Variants in ZNG1A observed in about 807,000 individuals in gnomAD.
ZNG1A encodes the protein zinc-regulated GTPase metalloprotein activator 1A.
At chr9:128,869 T>G in the ZNG1A span, among the ~76,000 whole-genome samples, 42 of 151,398 alleles carry the variant, frequency 2.8e-4, no homozygotes, top group African/African-American at 9.5e-4. Flanking sequence ...CTACGGGGTG[T>G]TCCCTTGATG....
chr9:166,092 T>C, the ZNG1A span: 1 of 139,874 alleles, frequency 7.1e-6, no homozygotes, highest in South Asian at 2.4e-4. Flanking sequence ...CTCTTTGCTT[T>C]GGGAAGGAGA....
the ZNG1A span, chr9:146,275 A>T: frequency 6.3e-6 from 7 of 1,117,318 alleles, no homozygotes; most frequent in Non-Finnish European, 7.8e-6. Flanking sequence ...GAAGTGGGCA[A>T]ATGGTGTAAG....
At chr9:154,412 T>C in the ZNG1A span, 1 of 484,458 alleles carries the variant, frequency 2.1e-6, no homozygotes, top group South Asian at 4.1e-5. Flanking sequence ...TGGGTAAAGT[T>C]AGGGAAGACT....
At chr9:177,609 G>C in the ZNG1A span, 12 of 1,524,900 alleles carry the variant, frequency 7.9e-6, no homozygotes, top group Admixed American at 2.0e-5. Flanking sequence ...TTTCAAAAAG[G>C]GAAAATGGTC....
At chr9:145,800 A>G in the ZNG1A span, among the ~76,000 whole-genome samples, 18 of 151,428 alleles carry the variant, frequency 1.2e-4, no homozygotes, top group African/African-American at 3.7e-4. Context: ...AAAATTTTCT[A>G]TGTATTTCAT....
chr9:142,035 C>T, the ZNG1A span, among the ~76,000 whole-genome samples: 1 of 143,160 alleles, frequency 7.0e-6, no homozygotes, highest in Admixed American at 7.0e-5. Context: ...CACCCAGATT[C>T]ATAAACCAAG....
At chr9:152,720 C>T in the ZNG1A span, among the ~76,000 whole-genome samples, 3 of 151,092 alleles carry the variant, frequency 2.0e-5, no homozygotes, top group South Asian at 4.2e-4. Flanking sequence ...ACACTGTACA[C>T]CTCATCTATT....
chr9:139,815 C>T, the ZNG1A span, among the ~76,000 whole-genome samples: 4 of 151,358 alleles, frequency 2.6e-5, no homozygotes, highest in East Asian at 2.0e-4. Flanking sequence ...GCACCATCCG[C>T]GAGCCGAAGC....
the ZNG1A span, chr9:163,907 C>T: frequency 1.4e-6 from 2 of 1,386,260 alleles, no homozygotes; most frequent in Non-Finnish European, 1.9e-6. Context: ...GTCTGGGCAA[C>T]AAAGTGAGAC....
chr9:162,594 A>G, the ZNG1A span: 1 of 738,182 alleles, frequency 1.4e-6, no homozygotes. Flanking sequence ...TCAATAAAAC[A>G]ATGTACTGTT....
chr9:160,895 G>T, the ZNG1A span, among the ~76,000 whole-genome samples: 1 of 150,876 alleles, frequency 6.6e-6, no homozygotes, highest in Non-Finnish European at 1.5e-5. Context: ...CATTTTGCAA[G>T]AAATATGATT....
At chr9:163,627 A>G in the ZNG1A span, among the ~76,000 whole-genome samples, 1 of 151,084 alleles carries the variant, frequency 6.6e-6, no homozygotes, top group Non-Finnish European at 1.5e-5. Context: ...TTACTAAAAA[A>G]CAAAAGAGGC....
chr9:168,979 C>T, the ZNG1A span, among the ~76,000 whole-genome samples: 2 of 152,232 alleles, frequency 1.3e-5, no homozygotes, highest in African/African-American at 4.8e-5. Flanking sequence ...GCTAACACAA[C>T]ATCCATTCTG....
At chr9:133,461 T>A in the ZNG1A span, among the ~76,000 whole-genome samples, 17,429 of 148,614 alleles carry the variant, frequency 0.12, 1,262 homozygotes, top group East Asian at 0.21. Context: ...TTAAAATACA[T>A]TTGTTTTTTT....
chr9:175,277 C>A, the ZNG1A span, among the ~76,000 whole-genome samples: 2 of 151,724 alleles, frequency 1.3e-5, no homozygotes, highest in Non-Finnish European at 2.9e-5. Flanking sequence ...ACTCAGGAGG[C>A]TGAGGCAGGA....
chr9:170,214 A>C, the ZNG1A span, among the ~76,000 whole-genome samples: 1 of 150,884 alleles, frequency 6.6e-6, no homozygotes, highest in Non-Finnish European at 1.5e-5. Flanking sequence ...CCGATTCAGT[A>C]GATCTGGGTT....
the ZNG1A span, among the ~76,000 whole-genome samples, chr9:139,468 A>G: frequency 6.6e-6 from 1 of 150,910 alleles, no homozygotes; most frequent in Non-Finnish European, 1.5e-5. Context: ...AGTTAGCAAT[A>G]CTGTATTGTA....
the ZNG1A span, among the ~76,000 whole-genome samples, chr9:131,263 C>G: frequency 0.74 from 91,182 of 123,764 alleles, 35,127 homozygotes; most frequent in East Asian, 0.82. Flanking sequence ...GAAAAGTGAG[C>G]CAATAATTGA....
At chr9:174,936 AT>A in the ZNG1A span, among the ~76,000 whole-genome samples, 2 of 151,112 alleles carry the variant, frequency 1.3e-5, no homozygotes, top group East Asian at 3.9e-4. Context: ...TAAAGACCAT[AT>A]GTTTACCTTT....
Sources: gnomAD v4.1 joint callset for allele counts (sites outside exome capture counted in the v4.1 genomes callset) on GRCh38, gnomAD v4.1.1 for gene constraint, MANE v1.5 for transcripts, NCBI Gene and HGNC (gene_info 2026-07-23, HGNC 2026-07-21) for gene names.